Variants in APBA2 observed in about 807,000 individuals in gnomAD.
The protein encoded by APBA2 is amyloid beta precursor protein binding family A member 2.
APBA2 carries 30 observed loss-of-function variants against 75.0 expected under a neutral mutation model. The observed-to-expected ratio is 0.40, with a 90% CI of 0.30 to 0.54. The LOEUF (loss-of-function observed/expected upper bound fraction) is 0.54. APBA2 is among the 20% of genes least tolerant of loss of function. The pLI is 0.49. For missense variants in APBA2, 801 were observed against 1,016.1 expected (o/e 0.79, Z 2.88); for synonymous variants, 444 against 409.6 (o/e 1.08, Z -1.01).
At chr15:28,984,399 G>A (rs1377164904) in intron 2 of APBA2, among the ~76,000 whole-genome samples, 1 of 152,088 alleles carries the variant, frequency 6.6e-6, no homozygotes, top group Non-Finnish European at 1.5e-5. Context: ...TCACAGCTGG[G>A]AGAACCTAGG....
intron 3 of APBA2, among the ~76,000 whole-genome samples, chr15:29,008,618 AG>A (rs2039246394): frequency 6.6e-6 from 1 of 152,120 alleles, no homozygotes; most frequent in African/African-American, 2.4e-5. Flanking sequence ...CTGAAGTGGG[AG>A]GGTCCTTTGA....
At chr15:28,985,732 G>A (rs906266060) in intron 2 of APBA2, among the ~76,000 whole-genome samples, 1 of 152,238 alleles carries the variant, frequency 6.6e-6, no homozygotes, top group Non-Finnish European at 1.5e-5. Context: ...GATGTAACGA[G>A]TTCTTGCTGC....
intron 3 of APBA2, among the ~76,000 whole-genome samples, chr15:29,011,943 C>T (rs766652946): frequency 5.9e-5 from 9 of 152,030 alleles, no homozygotes; most frequent in Non-Finnish European, 1.2e-4. Context: ...TCTAGTTTGT[C>T]TAATTACCAA....
chr15:28,969,161 TTTC>T (rs2036917434), intron 2 of APBA2, among the ~76,000 whole-genome samples: 1 of 82,882 alleles, frequency 1.2e-5, no homozygotes, highest in South Asian at 4.1e-4. Context: ...TCTTTCTTTC[TTTC>T]TTTCTTTCTT....
chr15:29,094,864 G>A (rs2043772508), intron 8 of APBA2, among the ~76,000 whole-genome samples: 1 of 150,490 alleles, frequency 6.6e-6, no homozygotes, highest in Non-Finnish European at 1.5e-5. Flanking sequence ...GTTTGAGATT[G>A]GCCTGGGCAA....
At chr15:28,996,060 A>AGCTGTGTG (rs2038499879) in intron 3 of APBA2, among the ~76,000 whole-genome samples, 1 of 152,092 alleles carries the variant, frequency 6.6e-6, no homozygotes, top group African/African-American at 2.4e-5. Context: ...CCCACCACCC[A>AGCTGTGTG]ATGACAACAC....
chr15:29,083,507 G>C (rs1468609729), intron 6 of APBA2, among the ~76,000 whole-genome samples: 5 of 151,966 alleles, frequency 3.3e-5, no homozygotes, highest in Non-Finnish European at 7.4e-5. Flanking sequence ...TAGCTTGTCT[G>C]GTTATTCACT....
chr15:28,949,572 G>A (rs189049155), intron 2 of APBA2, among the ~76,000 whole-genome samples: 113 of 152,274 alleles, frequency 7.4e-4, no homozygotes, highest in African/African-American at 2.7e-3. Flanking sequence ...AGGCTCAAGC[G>A]ATCCTCCCAC....
chr15:29,032,724 C>A (rs1489866065), intron 3 of APBA2, among the ~76,000 whole-genome samples: 1 of 152,144 alleles, frequency 6.6e-6, no homozygotes, highest in African/African-American at 2.4e-5. Context: ...TAGCACTGCC[C>A]AGCCCTGTTC....
chr15:29,112,067 C>T (rs1303827227), intron 13 of APBA2, among the ~76,000 whole-genome samples: 2 of 152,214 alleles, frequency 1.3e-5, no homozygotes, highest in Non-Finnish European at 2.9e-5. Flanking sequence ...CCCATCCCCA[C>T]CATGCCCAGT....
intron 2 of APBA2, among the ~76,000 whole-genome samples, chr15:28,942,500 T>C (rs7161763): frequency 6.6e-6 from 1 of 152,108 alleles, no homozygotes. Context: ...GGGGAGCACA[T>C]GGAACTTATT....
chr15:28,921,843 T>G (rs56794407), intron 2 of APBA2, 94 bp downstream of exon 2: 35,109 of 152,186 alleles, frequency 0.23, 7,855 homozygotes, highest in African/African-American at 0.59. Context: ...TAAGAAGAGT[T>G]ATAGCCACGA....
At chr15:29,066,284 C>G (rs1420954701) in intron 4 of APBA2, among the ~76,000 whole-genome samples, 1 of 152,174 alleles carries the variant, frequency 6.6e-6, no homozygotes, top group African/African-American at 2.4e-5. Context: ...CAGGGCTCCT[C>G]TTGCTGCATT....
At chr15:28,978,269 G>T (rs909346522) in intron 2 of APBA2, among the ~76,000 whole-genome samples, 1 of 152,184 alleles carries the variant, frequency 6.6e-6, no homozygotes, top group Non-Finnish European at 1.5e-5. Flanking sequence ...GCCATAAGCC[G>T]CATGATCCGT....
intron 3 of APBA2, among the ~76,000 whole-genome samples, chr15:29,029,996 C>T (rs2040406245): frequency 2.0e-5 from 3 of 152,280 alleles, no homozygotes; most frequent in Admixed American, 2.0e-4. Flanking sequence ...AGGTGGCTGG[C>T]CATGTGGAGC....
chr15:28,898,366 C>T (rs753712058), intron 1 of APBA2, among the ~76,000 whole-genome samples: 13 of 152,240 alleles, frequency 8.5e-5, no homozygotes, highest in Admixed American at 3.9e-4. Context: ...ATCAGTACCC[C>T]GAGGGTCTTC....
intron 8 of APBA2, among the ~76,000 whole-genome samples, chr15:29,096,746 T>C (rs1295101904): frequency 6.6e-6 from 1 of 152,238 alleles, no homozygotes; most frequent in Non-Finnish European, 1.5e-5. Context: ...TTTCAGATTT[T>C]CTAGTGAATA....
chr15:28,956,892 C>T (rs1391917801), intron 2 of APBA2, among the ~76,000 whole-genome samples: 1 of 152,170 alleles, frequency 6.6e-6, no homozygotes, highest in Non-Finnish European at 1.5e-5. Flanking sequence ...TAGTGTAGCA[C>T]GTGTCACAGT....
chr15:28,889,395 T>TTTCCCA, intron 1 of APBA2, among the ~76,000 whole-genome samples: 1 of 152,206 alleles, frequency 6.6e-6, no homozygotes, highest in East Asian at 1.9e-4. Flanking sequence ...TTGGGGGCTG[T>TTTCCCA]GGGGTACTCC....
Sources: gnomAD v4.1 joint callset for allele counts (sites outside exome capture counted in the v4.1 genomes callset) on GRCh38, gnomAD v4.1.1 for gene constraint, MANE v1.5 for transcripts, NCBI Gene and HGNC (gene_info 2026-07-23, HGNC 2026-07-21) for gene names.